The following GUCY2C variants were observed in gnomAD, a reference collection of about 807,000 sequenced individuals.
GUCY2C encodes guanylate cyclase 2C.
A neutral mutation model predicts 131.1 loss-of-function variants in GUCY2C; 118 were observed. The ratio of observed to expected loss-of-function variants is 0.90; its 90% CI spans 0.78 to 1.05. GUCY2C has a LOEUF of 1.05. Among genes scored for constraint, GUCY2C ranks in the 50% least tolerant of loss-of-function variants. The probability of loss-of-function intolerance (pLI) is 0.00; values close to 1 mark genes in which losing one functional copy is unlikely to be tolerated. For missense variants in GUCY2C, 1,161 were observed against 1,304.4 expected, an observed-to-expected ratio of 0.89 and a Z score of 1.69; for synonymous variants, 452 against 457.8, an observed-to-expected ratio of 0.99 and a Z score of 0.16.
At chr12:14,685,536 T>C (rs1403793940) in intron 3 of GUCY2C, among the ~76,000 whole-genome samples, 1 of 152,156 alleles carries the variant, frequency 6.6e-6, no homozygotes, top group Non-Finnish European at 1.5e-5. Context: ...AAGGTGTAAT[T>C]AGCAGAACAA....
At chr12:14,679,219 T>C (rs919821512) in intron 6 of GUCY2C, among the ~76,000 whole-genome samples, 1 of 152,148 alleles carries the variant, frequency 6.6e-6, no homozygotes, top group African/African-American at 2.4e-5. Context: ...GGATCGTATG[T>C]TTTTCCTTTC....
chr12:14,613,344 T>C lies in GUCY2C; in HGVS notation c.3048-53A>G, dbSNP rs1274914962. On this transcript the variant is annotated intron_variant, in intron 26 of 26. Transcript: ENST00000261170. The surrounding 1 kb of genome is among the most constrained non-coding windows in gnomAD (Gnocchi z 4.9). ...GAACTTCTCAGCAATTCATACAGAA[T>C]ATTCCTTAGCTCCAGAATAATCAGT... 2.3e-6 allele frequency: 3 copies of C among 1,330,468 alleles called. No individual in the cohort carries two copies. Among genetic ancestry groups the C allele is most frequent in the Non-Finnish European group, 3.2e-6 (3 of 924,190 alleles). 82.4% of individuals were successfully genotyped at this position (1,330,468 alleles called of 1,614,324 possible).
At chr12:14,630,979 C>T (rs1013657612) in intron 19 of GUCY2C, among the ~76,000 whole-genome samples, 7 of 151,922 alleles carry the variant, frequency 4.6e-5, no homozygotes, top group Non-Finnish European at 8.8e-5. Context: ...AAAAGCAGGA[C>T]GAAAGAAAGG....
Position 14,683,280 on chromosome 12 carries a change from A to G in GUCY2C, c.396-23T>C, listed in dbSNP as rs145503149. On this transcript the variant is annotated intron_variant, in intron 3 of 26. Coordinates refer to ENST00000261170, the MANE Select transcript of GUCY2C (RefSeq NM_004963.4). ...AGGCTATGTCAAGAGGTTGAGGAAAAAAGCCATTATCAGTATTAACTTAAG... is the reference window on the plus strand; with the variant it reads ...AGGCTATGTCAAGAGGTTGAGGAAAGAAGCCATTATCAGTATTAACTTAAG... The G allele has an allele frequency of 4.1e-4, 617 of 1,501,236 alleles. 1 individual carries two copies. The African/African-American group carries it at 7.9e-3, about 19-fold the overall frequency. 93.0% of individuals were successfully genotyped at this position (1,501,236 alleles called of 1,614,324 possible). A position where few individuals can be genotyped will look rare whatever the true frequency, so the allele number is the denominator to read the frequency against.
intron 14 of GUCY2C, 120 bp from the exon 15 acceptor site, chr12:14,651,631 A>C: frequency 3.1e-6 from 2 of 645,288 alleles, no homozygotes; most frequent in African/African-American, 1.8e-5. Context: ...TGTCTTAACA[A>C]ATTGAATGTC....
At chr12:14,626,442 A>G (rs1947019971) in intron 20 of GUCY2C, among the ~76,000 whole-genome samples, 1 of 152,228 alleles carries the variant, frequency 6.6e-6, no homozygotes, top group South Asian at 2.1e-4. Context: ...CATATAGTAC[A>G]AAACCTTCCT....
At chr12:14,640,804 T>C (rs955201032) in intron 18 of GUCY2C, among the ~76,000 whole-genome samples, 1 of 152,214 alleles carries the variant, frequency 6.6e-6, no homozygotes, top group Non-Finnish European at 1.5e-5. Flanking sequence ...CATTCTCTTA[T>C]TGGAATCAAA....
At chr12:14,630,770 C>T (rs1483921502) in intron 19 of GUCY2C, among the ~76,000 whole-genome samples, 2 of 152,238 alleles carry the variant, frequency 1.3e-5, no homozygotes, top group East Asian at 1.9e-4. Flanking sequence ...CTAGTTTCGA[C>T]TCTGTATTCT....
chr12:14,658,510 T>C (rs1947803212), intron 11 of GUCY2C, among the ~76,000 whole-genome samples: 1 of 152,098 alleles, frequency 6.6e-6, no homozygotes, highest in Admixed American at 6.6e-5. Flanking sequence ...ACCCTATCTC[T>C]ACTAAAAATA....
chr12:14,620,753 A>G (rs770497721), intron 23 of GUCY2C, among the ~76,000 whole-genome samples: 4 of 152,200 alleles, frequency 2.6e-5, no homozygotes, highest in Middle Eastern at 3.2e-3. Context: ...AAATGAAATC[A>G]TAGGTATGGT....
chr12:14,681,526 T>G, intron 4 of GUCY2C, 49 bp from the exon 5 acceptor site: 1 of 1,485,402 alleles, frequency 6.7e-7, no homozygotes, highest in Non-Finnish European at 9.4e-7. Context: ...CCTCATGGCC[T>G]TTCATGCCTT....
intron 19 of GUCY2C, among the ~76,000 whole-genome samples, chr12:14,637,201 A>AAG (rs1009631685): frequency 6.6e-6 from 1 of 151,034 alleles, no homozygotes; most frequent in African/African-American, 2.4e-5. Flanking sequence ...GCTACCAAAA[A>AAG]AAAAAAAAAA....
At chr12:14,682,103 C>T (rs755319271) in intron 4 of GUCY2C, among the ~76,000 whole-genome samples, 5 of 152,088 alleles carry the variant, frequency 3.3e-5, no homozygotes, top group Non-Finnish European at 7.4e-5. Context: ...GGCAGCAACC[C>T]AGCCAGAAGA....
intron 19 of GUCY2C, among the ~76,000 whole-genome samples, chr12:14,632,001 A>C (rs565272189): frequency 2.3e-4 from 35 of 151,514 alleles, no homozygotes; most frequent in Admixed American, 2.0e-3. Context: ...GCATTTTTTC[A>C]TGTGTTTTTT....
chr12:14,637,882 ATAT>A (rs1033501757), intron 19 of GUCY2C, among the ~76,000 whole-genome samples: 29 of 152,222 alleles, frequency 1.9e-4, no homozygotes, highest in African/African-American at 7.0e-4. Flanking sequence ...AAATGGGACT[ATAT>A]TAGACTAAAA....
In GUCY2C at chr12:14,696,362, G is replaced by A. The variant is rs369567498; in HGVS notation, c.87C>T (p.Asn29=). 3.6e-5 allele frequency: 58 copies of A among 1,614,098 alleles called. 1 individual carries two copies. In the African/African-American group the frequency reaches 7.5e-4, roughly 21 times the overall value. Residue 29 remains asparagine (N), a synonymous_variant, in exon 1 of 27, where the codon AAC becomes AAT. Transcript: ENST00000261170. ...WLSFSSQVSQ[N]CHNGSYEISV... Reference sequence around the variant, plus strand: ...TGATTTCATAGCTGCCATTGTGGCAGTTCTGACTCACCTGGGAACTAAAGG... The same window carrying A: ...TGATTTCATAGCTGCCATTGTGGCAATTCTGACTCACCTGGGAACTAAAGG...
rs981200780 is a variant in GUCY2C, at chr12:14,669,657, T to C, written c.1282+65A>G. 29 of 810,600 alleles carry C rather than the reference T, an allele frequency of 3.6e-5. No homozygotes were observed. The African/African-American group carries it at 4.1e-4, about 12-fold the overall frequency. 50.2% of individuals were successfully genotyped at this position (810,600 alleles called of 1,614,324 possible). ...AAGCACAGGCTAATTACATAAACAA[T>C]AGACTTTACTTTTCTTACCAGGAAA... On this transcript the variant is annotated intron_variant, in intron 10 of 26. Transcript: ENST00000261170.
At chr12:14,628,938 T>G (rs1947083257) in intron 19 of GUCY2C, among the ~76,000 whole-genome samples, 6 of 152,182 alleles carry the variant, frequency 3.9e-5, no homozygotes. Flanking sequence ...GTTATTCCCT[T>G]GGGTGAAATT....
chr12:14,623,472 G>A (rs1402932036), intron 21 of GUCY2C, among the ~76,000 whole-genome samples: 1 of 152,214 alleles, frequency 6.6e-6, no homozygotes, highest in African/African-American at 2.4e-5. Context: ...GTACACGACT[G>A]GAGTGGTTGT....
Sources: allele counts gnomAD v4.1 joint callset (sites outside exome capture counted in the v4.1 genomes callset), GRCh38; gene constraint gnomAD v4.1.1; non-coding constraint Gnocchi (gnomAD v3.1); transcripts MANE v1.5; gene names NCBI Gene and HGNC (gene_info 2026-07-23, HGNC 2026-07-21).